SOX9: variants seen among roughly 807,000 people sequenced by gnomAD.
The protein encoded by SOX9 is SRY-box transcription factor 9, also known as transcription factor SOX-9.
Under a neutral mutation model 44.8 loss-of-function variants are expected in SOX9, and 2 were observed. The observed-to-expected ratio is 0.04, with a 90% CI of 0.02 to 0.14. SOX9 has a LOEUF of 0.14. Among genes scored for constraint, SOX9 ranks in the 10% least tolerant of loss-of-function variants. The pLI, the probability that SOX9 is intolerant of heterozygous loss-of-function variation, is 1.00. For missense variants in SOX9, 583 were observed against 728.6 expected, an observed-to-expected ratio of 0.80 and a Z score of 2.30; for synonymous variants, 381 against 331.8, an observed-to-expected ratio of 1.15 and a Z score of -1.61.
At chr17:72,122,036 GT>G (rs1908113048) in intron 1 of SOX9, among the ~76,000 whole-genome samples, 1 of 152,214 alleles carries the variant, frequency 6.6e-6, no homozygotes, top group African/African-American at 2.4e-5. Context: ...GAGGGGGGTG[GT>G]AAGTGGAAGA....
At position 72,121,640 on chromosome 17, in the gene SOX9, C is replaced by T. The variant is rs1166872258; in HGVS notation, c.249C>T (p.Gly83=). Residue 83 remains glycine (G), a synonymous_variant, in exon 1 of 3, where the codon GGC becomes GGT. Coordinates refer to ENST00000245479, the MANE Select transcript of SOX9 (RefSeq NM_000346.4). The surrounding 1 kb of genome is among the most constrained non-coding windows in gnomAD (Gnocchi z 8.3). ...AGGCGGTCAGCCAGGTGCTCAAAGG[C>T]TACGACTGGACGCTGGTGCCCATGC... The part of the protein sequence containing the change: ...IREAVSQVLK[G]YDWTLVPMPV... The T allele has an allele frequency of 6.2e-7, 1 of 1,600,862 alleles. No individual in the cohort carries two copies. The highest frequency in any genetic ancestry group is 8.5e-7 in the Non-Finnish European group (1 of 1,174,098).
rs1908244160 is a variant in SOX9 at position 72,125,158 on chromosome 17, A to C, written c.*771A>C. 1 of 227,244 alleles carries C rather than the reference A, an allele frequency of 4.4e-6. No homozygotes were observed. The allele number at this position is 227,244 out of a possible 1,614,324, so 14.1% of individuals were successfully genotyped here. The stretch of plus-strand genomic sequence containing the variant: ...AAAGGCCTTATTTTGCAATTATGGG[A>C]GTAAACAATAGTCTAGAGAAGCATT... On this transcript the variant is annotated 3_prime_UTR_variant, in exon 3 of 3. Transcript: ENST00000245479.
Position 72,124,520 on chromosome 17 carries a change from C to A in SOX9, c.*133C>A. On this transcript the variant is annotated 3_prime_UTR_variant, in exon 3 of 3. Transcript: ENST00000245479. The surrounding 1 kb of genome is among the most constrained non-coding windows in gnomAD (Gnocchi z 4.6). ...TTATTTTGTTTTGTTTTTTCTTCTTCTTCTTCTTCCTTAAAGACATTTAAG... is the reference window on the plus strand; with the variant it reads ...TTATTTTGTTTTGTTTTTTCTTCTTATTCTTCTTCCTTAAAGACATTTAAG... 1 of 1,136,582 alleles carries A rather than the reference C, an allele frequency of 8.8e-7. No homozygotes were observed. Among genetic ancestry groups the A allele is most frequent in the Non-Finnish European group, 1.3e-6 (1 of 783,212 alleles). The allele number at this position is 1,136,582 out of a possible 1,614,324, so 70.4% of individuals were successfully genotyped here.
Position 72,122,588 on chromosome 17 carries a change from A to C in SOX9, c.432-131A>C, listed in dbSNP as rs1192473519. On this transcript the variant is annotated intron_variant, in intron 1 of 2. Transcript: ENST00000245479. ...GAGCTGTGGTTGCAGGCAGGAGGGA[A>C]GATGGAGTTGTGTGCAGAGGAAGCC... is the stretch of plus-strand genomic sequence containing the variant. The C allele has an allele frequency of 9.5e-6, 7 of 734,132 alleles. 1 individual carries two copies. The highest frequency in any genetic ancestry group is 5.3e-5 in the African/African-American group (3 of 56,866). 45.5% of individuals were successfully genotyped at this position (734,132 alleles called of 1,614,324 possible). A position where few individuals can be genotyped will look rare whatever the true frequency, so the allele number is the denominator to read the frequency against.
rs1312986875 is a variant in SOX9, at chr17:72,124,601, A to C, written c.*214A>C. On this transcript the variant is annotated 3_prime_UTR_variant, in exon 3 of 3. Coordinates refer to ENST00000245479, the MANE Select transcript of SOX9 (RefSeq NM_000346.4). The surrounding 1 kb of genome is among the most constrained non-coding windows in gnomAD (Gnocchi z 4.6). Reference sequence around the variant, plus strand: ...ACACAAACATGACCTATCCAAGCGCATTACCCACTTGTGGCCAATCAGTGG... The same window carrying C: ...ACACAAACATGACCTATCCAAGCGCCTTACCCACTTGTGGCCAATCAGTGG... 2 of 651,502 alleles carry C rather than the reference A, an allele frequency of 3.1e-6. No homozygotes were observed. The highest frequency in any genetic ancestry group is 5.4e-6 in the Non-Finnish European group (2 of 372,928). 40.4% of individuals were successfully genotyped at this position (651,502 alleles called of 1,614,324 possible).
chr17:72,123,711 A>G lies in SOX9; in HGVS notation c.854A>G (p.Asn285Ser), dbSNP rs1908183213. 5.0e-6 allele frequency: 8 copies of G among 1,614,016 alleles called. No homozygotes were observed. The highest frequency in any genetic ancestry group is 5.9e-6 in the Non-Finnish European group (7 of 1,179,970). The change falls in exon 3 of 3, where the codon AAC becomes AGC. Residue 285 changes from asparagine to serine, a missense_variant. Physicochemically the swap from Asn to Ser is conservative, Grantham distance 46 (BLOSUM62 1). Coordinates refer to ENST00000245479, the MANE Select transcript of SOX9 (RefSeq NM_000346.4). The surrounding 1 kb of genome is among the most constrained non-coding windows in gnomAD (Gnocchi z 6.5). ...IGELSSDVIS[N>S]IETFDVNEFD... is the part of the protein sequence containing the mutation. ...GAGCTGAGCAGCGACGTCATCTCCAACATCGAGACCTTCGATGTCAACGAG... is the reference window on the plus strand; with the variant it reads ...GAGCTGAGCAGCGACGTCATCTCCAGCATCGAGACCTTCGATGTCAACGAG...
Position 72,126,106 on chromosome 17 carries a change from AAG to A in SOX9, c.*1721_*1722del, listed in dbSNP as rs1396076411. The stretch of plus-strand genomic sequence containing the variant: ...GCAAACTTTTTTTTTTATTTAAAAA[AAG>A]ATATATTAACAGTTTTAGAAGTCAG... On this transcript the variant is annotated 3_prime_UTR_variant, in exon 3 of 3. Transcript: ENST00000245479. 1.1e-3 allele frequency: 251 copies of A among 232,634 alleles called. 4 individuals are homozygous for A. In the East Asian group the frequency reaches 0.015, roughly 14 times the overall value. The allele number at this position is 232,634 out of a possible 1,614,324, so 14.4% of individuals were successfully genotyped here.
rs1908083950 is a variant in SOX9, at chr17:72,121,390, G to T, written c.-2G>T. ...CACCAGCCCCCTGCCCCGGGCCCGC[G>T]TATGAATCTCCTGGACCCCTTCATG... On this transcript the variant is annotated 5_prime_UTR_variant, in exon 1 of 3. Transcript: ENST00000245479. This position sits in a 1 kb window ranked among gnomAD's most constrained non-coding sequence, Gnocchi z 8.3. 1 of 1,612,204 alleles carries T rather than the reference G, an allele frequency of 6.2e-7. No individual in the cohort carries two copies. Among genetic ancestry groups the T allele is most frequent in the Non-Finnish European group, 8.5e-7 (1 of 1,179,682 alleles).
At position 72,124,076 on chromosome 17, in the gene SOX9, T is replaced by C. The variant is rs1255091750; in HGVS notation, c.1219T>C (p.Tyr407His). 3 of 1,613,378 alleles carry C rather than the reference T, an allele frequency of 1.9e-6. No homozygotes were observed. The highest frequency in any genetic ancestry group is 2.7e-5 in the African/African-American group (2 of 74,874). ...GACGGAGCAGCTGAGCCCCAGCCAC[T>C]ACAGCGAGCAGCAGCAGCACTCGCC... ...IKTEQLSPSH[Y>H]SEQQQHSPQQ... The change falls in exon 3 of 3, where the codon TAC becomes CAC. Residue 407 changes from tyrosine to histidine, a missense_variant. Tyr to His is a moderately conservative substitution (Grantham distance 83). This residue lies in a region of SOX9 where 349 missense variants were observed against 387.0 expected (regional missense o/e 0.90). Transcript: ENST00000245479. This position sits in a 1 kb window ranked among gnomAD's most constrained non-coding sequence, Gnocchi z 4.6.
Position 72,125,358 on chromosome 17 carries a change from G to C in SOX9, c.*971G>C, listed in dbSNP as rs543136126. The C allele has an allele frequency of 3.9e-4, 88 of 228,098 alleles. No homozygotes were observed. Among genetic ancestry groups the C allele is most frequent in the Admixed American group, 3.5e-3 (61 of 17,596 alleles). The allele number at this position is 228,098 out of a possible 1,614,324, so 14.1% of individuals were successfully genotyped here. Reference sequence around the variant, plus strand: ...AAGCAAAGGAGATGAAATCTGTTCTGGGAATGTTTCAGCAGCCAATAAGTG... The same window carrying C: ...AAGCAAAGGAGATGAAATCTGTTCTCGGAATGTTTCAGCAGCCAATAAGTG... On this transcript the variant is annotated 3_prime_UTR_variant, in exon 3 of 3. Transcript: ENST00000245479.
Position 72,122,955 on chromosome 17 carries a change from C to G in SOX9, c.668C>G (p.Ser223Cys), listed in dbSNP as rs772806721. 1.2e-6 allele frequency: 2 copies of G among 1,613,688 alleles called. No homozygotes were observed. Among genetic ancestry groups the G allele is most frequent in the South Asian group, 2.2e-5 (2 of 91,084 alleles). The change falls in exon 2 of 3, where the codon TCC becomes TGC. Residue 223 changes from serine (S) to cysteine (C), a missense_variant. Physicochemically the swap from Ser to Cys is moderately radical, Grantham distance 112. Coordinates refer to ENST00000245479, the MANE Select transcript of SOX9 (RefSeq NM_000346.4). ...HSSSGMSEVHSPGEHSGQSQG... is the reference protein window; with the variant it reads ...HSSSGMSEVHCPGEHSGQSQG... ...TCCTCCGGCATGAGCGAGGTGCACTCCCCCGGCGAGCACTCGGGTGAGTCG... is the reference window on the plus strand; with the variant it reads ...TCCTCCGGCATGAGCGAGGTGCACTGCCCCGGCGAGCACTCGGGTGAGTCG...
Position 72,121,913 on chromosome 17 carries a change from C to T in SOX9, c.431+91C>T, listed in dbSNP as rs144221941. 4.2e-4 allele frequency: 596 copies of T among 1,416,598 alleles called. 6 individuals carry two copies. The East Asian group carries it at 0.013, about 31-fold the overall frequency. The allele number at this position is 1,416,598 out of a possible 1,614,324, so 87.8% of individuals were successfully genotyped here. On this transcript the variant is annotated intron_variant, in intron 1 of 2. Transcript: ENST00000245479. The surrounding 1 kb of genome is among the most constrained non-coding windows in gnomAD (Gnocchi z 8.3). Reference sequence around the variant, plus strand: ...TGATTTGCCCCGCCCCGCCTCCCATCGCCCGGGAGTTGCCGTTCCGGGAGC... The same window carrying T: ...TGATTTGCCCCGCCCCGCCTCCCATTGCCCGGGAGTTGCCGTTCCGGGAGC...
chr17:72,123,565 C>T lies in SOX9; in HGVS notation c.708C>T (p.Thr236=), dbSNP rs2143250205. 6.2e-7 allele frequency: 1 copy of T among 1,614,018 alleles called. No homozygotes were observed. The highest frequency in any genetic ancestry group is 8.5e-7 in the Non-Finnish European group (1 of 1,179,916). ...EHSGQSQGPP[T]PPTTPKTDVQ... Reference sequence around the variant, plus strand: ...CAGGGCAATCCCAGGGCCCACCGACCCCACCCACCACCCCCAAAACCGACG... The same window carrying T: ...CAGGGCAATCCCAGGGCCCACCGACTCCACCCACCACCCCCAAAACCGACG... The change falls in exon 3 of 3, where the codon ACC becomes ACT. Residue 236 remains threonine, a synonymous_variant. Transcript: ENST00000245479. This position sits in a 1 kb window ranked among gnomAD's most constrained non-coding sequence, Gnocchi z 6.5.
chr17:72,121,381 C>A lies in SOX9; in HGVS notation c.-11C>A. ...TTTCCCGGCCACCAGCCCCCTGCCC[C>A]GGGCCCGCGTATGAATCTCCTGGAC... On this transcript the variant is annotated 5_prime_UTR_variant, in exon 1 of 3. Coordinates refer to ENST00000245479, the MANE Select transcript of SOX9 (RefSeq NM_000346.4). The surrounding 1 kb of genome is among the most constrained non-coding windows in gnomAD (Gnocchi z 8.3). The A allele has an allele frequency of 6.2e-7, 1 of 1,611,628 alleles. No individual in the cohort carries two copies.
chr17:72,122,379 G>T, intron 1 of SOX9, among the ~76,000 whole-genome samples: 1 of 146,426 alleles, frequency 6.8e-6, no homozygotes, highest in Non-Finnish European at 1.5e-5. Flanking sequence ...GTTTTCAAAG[G>T]GGGTTGGGGT....
In SOX9 at chr17:72,124,507, G is replaced by T; in HGVS notation, c.*120G>T. On this transcript the variant is annotated 3_prime_UTR_variant, in exon 3 of 3. Transcript: ENST00000245479. This position sits in a 1 kb window ranked among gnomAD's most constrained non-coding sequence, Gnocchi z 4.6. Reference sequence around the variant, plus strand: ...TTTTTTTGTTTTTTTATTTTGTTTTGTTTTTTCTTCTTCTTCTTCTTCCTT... The same window carrying T: ...TTTTTTTGTTTTTTTATTTTGTTTTTTTTTTTCTTCTTCTTCTTCTTCCTT... 6 of 1,276,254 alleles carry T rather than the reference G, an allele frequency of 4.7e-6. No homozygotes were observed. Among genetic ancestry groups the T allele is most frequent in the South Asian group, 1.2e-5 (1 of 80,372 alleles). 79.1% of individuals were successfully genotyped at this position (1,276,254 alleles called of 1,614,324 possible).
chr17:72,123,478 C>T lies in SOX9; in HGVS notation c.686-65C>T, dbSNP rs1908173302. ...GCGAGGGAGGGTCCCCGGAGGGTGC[C>T]TAAGACTAGGGCGTCTGCACAGCCC... On this transcript the variant is annotated intron_variant, in intron 2 of 2. Coordinates refer to ENST00000245479, the MANE Select transcript of SOX9 (RefSeq NM_000346.4). The surrounding 1 kb of genome is among the most constrained non-coding windows in gnomAD (Gnocchi z 6.5). 6.2e-7 allele frequency: 1 copy of T among 1,610,164 alleles called. No individual in the cohort carries two copies. The highest frequency in any genetic ancestry group is 8.5e-7 in the Non-Finnish European group (1 of 1,177,640).
chr17:72,121,668 G>C lies in SOX9; in HGVS notation c.277G>C (p.Val93Leu), dbSNP rs2143239332. ...CGACTGGACGCTGGTGCCCATGCCG[G>C]TGCGCGTCAACGGCTCCAGCAAGAA... ...GYDWTLVPMP[V>L]RVNGSSKNKP... The change falls in exon 1 of 3, where the codon GTG (valine) becomes CTG (leucine). Residue 93 changes from valine to leucine, a missense_variant. Physicochemically the swap from Val to Leu is conservative, Grantham distance 32. Coordinates refer to ENST00000245479, the MANE Select transcript of SOX9 (RefSeq NM_000346.4). The surrounding 1 kb of genome is among the most constrained non-coding windows in gnomAD (Gnocchi z 8.3). 1 of 1,601,126 alleles carries C rather than the reference G, an allele frequency of 6.2e-7. No individual in the cohort carries two copies. The highest frequency in any genetic ancestry group is 8.5e-7 in the Non-Finnish European group (1 of 1,174,462).
chr17:72,121,158 C>CCCT lies in SOX9; in HGVS notation c.-223_-221dup, dbSNP rs1024004486. 2 of 573,660 alleles carry CCCT rather than the reference C, an allele frequency of 3.5e-6. No individual in the cohort carries two copies. The highest frequency in any genetic ancestry group is 2.1e-5 in the South Asian group (1 of 47,132). 35.5% of individuals were successfully genotyped at this position (573,660 alleles called of 1,614,324 possible). On this transcript the variant is annotated 5_prime_UTR_variant, in exon 1 of 3. Coordinates refer to ENST00000245479, the MANE Select transcript of SOX9 (RefSeq NM_000346.4). This position sits in a 1 kb window ranked among gnomAD's most constrained non-coding sequence, Gnocchi z 8.3. ...GCCCCCACTTTTGCTCTTTTTCCTC[C>CCCT]CCTCCTCCTCCTCTCCAATTCGCCT...
Sources: allele counts gnomAD v4.1 joint callset (sites outside exome capture counted in the v4.1 genomes callset), GRCh38; gene constraint gnomAD v4.1.1; regional missense constraint gnomAD v4.1.1; non-coding constraint Gnocchi (gnomAD v3.1); transcripts MANE v1.5; gene names NCBI Gene and HGNC (gene_info 2026-07-23, HGNC 2026-07-21).